Variants in TMCC3 observed in about 807,000 individuals in gnomAD.
The protein encoded by TMCC3 is transmembrane and coiled-coil domain protein 3.
A neutral mutation model predicts 40.2 loss-of-function variants in TMCC3; 28 were observed. That is an observed-to-expected ratio of 0.70 (90% CI 0.52 to 0.95). The LOEUF is 0.95. Ranked by LOEUF, TMCC3 falls within the 40% of genes least tolerant of loss-of-function variation. The pLI, the probability that TMCC3 is intolerant of heterozygous loss-of-function variation, is 0.00. For synonymous variants in TMCC3, 255 were observed against 248.5 expected, an observed-to-expected ratio of 1.03 and a Z score of -0.25; for missense variants, 554 against 615.2, an observed-to-expected ratio of 0.90 and a Z score of 1.05.
intron 1 of TMCC3, among the ~76,000 whole-genome samples, chr12:94,643,755 A>G (rs2069003325): frequency 6.6e-6 from 1 of 152,194 alleles, no homozygotes; most frequent in East Asian, 1.9e-4. Flanking sequence ...TTCCCCAGGC[A>G]CCCAACTAGT....
At chr12:94,623,733 G>A (rs866667793) in intron 1 of TMCC3, among the ~76,000 whole-genome samples, 1 of 152,336 alleles carries the variant, frequency 6.6e-6, no homozygotes, top group South Asian at 2.1e-4. Flanking sequence ...TGTGGGCTAG[G>A]CACCCATTAC....
chr12:94,592,774 T>C (rs1445435090), intron 1 of TMCC3, among the ~76,000 whole-genome samples: 2 of 151,754 alleles, frequency 1.3e-5, no homozygotes, highest in African/African-American at 4.8e-5. Context: ...ATATCTTTCA[T>C]GGCCCAATCC....
chr12:94,620,530 C>A (rs1020509390), intron 1 of TMCC3, among the ~76,000 whole-genome samples: 1 of 152,038 alleles, frequency 6.6e-6, no homozygotes, highest in East Asian at 1.9e-4. Context: ...TCAGGTGATC[C>A]ATCTGCCTCG....
intron 1 of TMCC3, among the ~76,000 whole-genome samples, chr12:94,618,909 T>C (rs905615096): frequency 5.3e-5 from 8 of 152,168 alleles, no homozygotes; most frequent in African/African-American, 1.9e-4. Flanking sequence ...CAAGATGCTC[T>C]CCTACCCCAC....
chr12:94,601,835 A>G (rs960731798), intron 1 of TMCC3, among the ~76,000 whole-genome samples: 5 of 150,214 alleles, frequency 3.3e-5, no homozygotes, highest in South Asian at 2.1e-4. Flanking sequence ...AAAAAAAAAA[A>G]AGAGAAGAAA....
chr12:94,646,987 G>T (rs1271191962), intron 1 of TMCC3, among the ~76,000 whole-genome samples: 1 of 151,976 alleles, frequency 6.6e-6, no homozygotes, highest in Non-Finnish European at 1.5e-5. Flanking sequence ...CACTTAAAAT[G>T]AAAACCAACT....
chr12:94,609,039 G>A (rs1201258162), intron 1 of TMCC3, among the ~76,000 whole-genome samples: 7 of 151,762 alleles, frequency 4.6e-5, no homozygotes, highest in Non-Finnish European at 8.8e-5. Context: ...TAAGCAAGAC[G>A]ACCCCTGATG....
At chr12:94,590,867 A>T (rs1030523631) in intron 1 of TMCC3, 1 of 562,698 alleles carries the variant, frequency 1.8e-6, no homozygotes, top group Non-Finnish European at 3.5e-6. Context: ...ACTGGAGAGG[A>T]GCCCCTGGAT....
At chr12:94,577,036 G>C (rs2138819412) in intron 3 of TMCC3, among the ~76,000 whole-genome samples, 1 of 152,264 alleles carries the variant, frequency 6.6e-6, no homozygotes, top group East Asian at 1.9e-4. Context: ...TATCTGAGAA[G>C]TGGGGATAAT....
At position 94,650,507 on chromosome 12, in the gene TMCC3, C is replaced by T; in HGVS notation, c.-77G>A. The T allele has an allele frequency of 8.8e-7, 1 of 1,140,694 alleles. No homozygotes were observed. The highest frequency in any genetic ancestry group is 1.1e-6 in the Non-Finnish European group (1 of 912,148). The allele number at this position is 1,140,694 out of a possible 1,614,324, so 70.7% of individuals were successfully genotyped here. Reference sequence around the variant, plus strand: ...AGCCACCGGCTGTGCTCGGGATCACCCTGGGAGCCGCGGGCGAGGGGGCGG... The same window carrying T: ...AGCCACCGGCTGTGCTCGGGATCACTCTGGGAGCCGCGGGCGAGGGGGCGG... On this transcript the variant is annotated 5_prime_UTR_variant, in exon 1 of 4. Transcript: ENST00000261226.
intron 1 of TMCC3, among the ~76,000 whole-genome samples, chr12:94,618,917 C>A (rs1335176440): frequency 6.6e-6 from 1 of 152,158 alleles, no homozygotes. Flanking sequence ...TCTCCTACCC[C>A]ACTGCCAATA....
In TMCC3 at chr12:94,638,974, ATCTTAATTAGGT is replaced by A. The variant is rs535498008; in HGVS notation, c.78+11367_78+11378del. On this transcript the variant is annotated intron_variant, in intron 1 of 3. Coordinates refer to ENST00000261226, the MANE Select transcript of TMCC3 (RefSeq NM_020698.4). ...TCCATTACAACAAGCCTACATACACATCTTAATTAGGTTCAACTTTACTTTAGAAAAACATGT... is the reference window on the plus strand; with the variant it reads ...TCCATTACAACAAGCCTACATACACATCAACTTTACTTTAGAAAAACATGT... Among the ~76,000 whole-genome samples, 226 of 149,680 alleles carry A rather than the reference ATCTTAATTAGGT, an allele frequency of 1.5e-3. 1 individual carries two copies. The highest frequency in any genetic ancestry group is 5.0e-3 in the African/African-American group (203 of 40,582).
chr12:94,636,583 A>G (rs2068962021), intron 1 of TMCC3, among the ~76,000 whole-genome samples: 2 of 152,280 alleles, frequency 1.3e-5, no homozygotes. Context: ...TTTTGCAGAC[A>G]TAATTAAGGC....
chr12:94,594,726 G>A lies in TMCC3; in HGVS notation c.79-12188C>T, dbSNP rs140394564. Among the ~76,000 whole-genome samples, 410 of 152,290 alleles carry A rather than the reference G, an allele frequency of 2.7e-3. 2 individuals are homozygous for A. The highest frequency in any genetic ancestry group is 3.7e-3 in the Non-Finnish European group (253 of 68,020). On this transcript the variant is annotated intron_variant, in intron 1 of 3. Coordinates refer to ENST00000261226, the MANE Select transcript of TMCC3 (RefSeq NM_020698.4). The stretch of plus-strand genomic sequence containing the variant: ...AGAAAAGAGGCCAAGCCTGGGAGCA[G>A]AGGGTCTGCCTACTGCCCTGCCCTG...
chr12:94,623,148 C>A (rs2138869850), intron 1 of TMCC3, among the ~76,000 whole-genome samples: 1 of 151,784 alleles, frequency 6.6e-6, no homozygotes, highest in Admixed American at 6.6e-5. Context: ...GCCAAGAGCT[C>A]ATTATTTCTC....
intron 1 of TMCC3, among the ~76,000 whole-genome samples, chr12:94,612,591 G>A (rs111916076): frequency 5.3e-5 from 8 of 152,204 alleles, no homozygotes; most frequent in African/African-American, 1.4e-4. Flanking sequence ...TTACAGGCGT[G>A]AGCCACCGCA....
chr12:94,650,364 A>C lies in TMCC3; in HGVS notation c.67T>G (p.Cys23Gly). The C allele has an allele frequency of 7.5e-7, 1 of 1,332,038 alleles. No individual in the cohort carries two copies. The allele number at this position is 1,332,038 out of a possible 1,614,324, so 82.5% of individuals were successfully genotyped here. ...CCCGCTGCGCTCACCCGGCTCTTGC[A>C]GCGGTGGTGCCGGCCGGGGTACGAG... The part of the protein sequence containing the change: ...TYSYPGRHHR[C>G]KSRVERHDMN... Residue 23 changes from cysteine to glycine, a missense_variant, in exon 1 of 4, where the codon TGC becomes GGC. By Grantham distance (159) the Cys-to-Gly change is radical. Coordinates refer to ENST00000261226, the MANE Select transcript of TMCC3 (RefSeq NM_020698.4).
At chr12:94,632,588 G>A (rs901056673) in intron 1 of TMCC3, among the ~76,000 whole-genome samples, 10 of 152,200 alleles carry the variant, frequency 6.6e-5, no homozygotes, top group Non-Finnish European at 1.5e-4. Context: ...AGCTCTTTAA[G>A]AATGGATGTC....
Position 94,586,214 on chromosome 12 carries a change from T to C in TMCC3, c.79-3676A>G, listed in dbSNP as rs114324878. On this transcript the variant is annotated intron_variant, in intron 1 of 3. Coordinates refer to ENST00000261226, the MANE Select transcript of TMCC3 (RefSeq NM_020698.4). ...ACAAATAAGGACTTTAAAACTTTAA[T>C]TGAAGCATAATTTATACTCAGAAAA... is the stretch of plus-strand genomic sequence containing the variant. Among the ~76,000 whole-genome samples, 384 of 152,350 alleles carry C rather than the reference T, an allele frequency of 2.5e-3. 2 individuals are homozygous for C. Among genetic ancestry groups the C allele is most frequent in the African/African-American group, 8.8e-3 (367 of 41,570 alleles).
Sources: allele counts gnomAD v4.1 joint callset (sites outside exome capture counted in the v4.1 genomes callset), GRCh38; gene constraint gnomAD v4.1.1; transcripts MANE v1.5; gene names NCBI Gene and HGNC (gene_info 2026-07-23, HGNC 2026-07-21).